The following HS3ST4 variants were observed in gnomAD, a reference collection of about 807,000 sequenced individuals.
HS3ST4 encodes the protein heparan sulfate glucosamine 3-O-sulfotransferase 4.
Under a neutral mutation model 29.2 loss-of-function variants are expected in HS3ST4, and 17 were observed. The ratio of observed to expected loss-of-function variants is 0.58; its 90% CI spans 0.40 to 0.87. The LOEUF is 0.87. Among genes scored for constraint, HS3ST4 ranks in the 40% least tolerant of loss-of-function variants. The probability of loss-of-function intolerance (pLI) is 0.00; values close to 1 mark genes in which losing one functional copy is unlikely to be tolerated. For synonymous variants in HS3ST4, 314 were observed against 285.7 expected, an observed-to-expected ratio of 1.10 and a Z score of -1.00; for missense variants, 627 against 634.5, an observed-to-expected ratio of 0.99 and a Z score of 0.13.
rs187607785 is a variant in HS3ST4, at chr16:25,925,294, A to G, written c.735-210318A>G. On this transcript the variant is annotated intron_variant, in intron 1 of 1. Coordinates refer to ENST00000331351, the MANE Select transcript of HS3ST4 (RefSeq NM_006040.3). ...CATCATCAGCCAGCAACATTAGGTC[A>G]CAGACTCTAACCCTGTCTGTTAAAG... Among the ~76,000 whole-genome samples, 191 of 151,984 alleles carry G rather than the reference A, an allele frequency of 1.3e-3. No homozygotes were observed. In the Middle Eastern group the frequency reaches 0.014, roughly 11 times the overall value.
At chr16:26,097,637 C>T (rs1464384103) in intron 1 of HS3ST4, among the ~76,000 whole-genome samples, 2 of 152,080 alleles carry the variant, frequency 1.3e-5, no homozygotes, top group Admixed American at 6.5e-5. Flanking sequence ...ACCCTAGAAG[C>T]AAGCCTAGGC....
At chr16:25,705,644 T>C (rs1050918948) in intron 1 of HS3ST4, among the ~76,000 whole-genome samples, 1 of 151,880 alleles carries the variant, frequency 6.6e-6, no homozygotes, top group African/African-American at 2.4e-5. Context: ...AGCCTGGTGA[T>C]GAAGCCAGTT....
chr16:25,694,840 C>A (rs539132319), intron 1 of HS3ST4, among the ~76,000 whole-genome samples: 2 of 151,580 alleles, frequency 1.3e-5, no homozygotes, highest in East Asian at 3.9e-4. Flanking sequence ...GCAGAAAGAT[C>A]AAATCTTTCC....
chr16:25,786,993 C>G (rs1966858659), intron 1 of HS3ST4, among the ~76,000 whole-genome samples: 1 of 152,166 alleles, frequency 6.6e-6, no homozygotes, highest in Non-Finnish European at 1.5e-5. Context: ...ATTCTCTTCT[C>G]CATACTTGCT....
chr16:25,731,008 C>A (rs1405272147), intron 1 of HS3ST4, among the ~76,000 whole-genome samples: 1 of 152,172 alleles, frequency 6.6e-6, no homozygotes, highest in African/African-American at 2.4e-5. Context: ...CAGACATGAG[C>A]TTCCAGGTGC....
chr16:25,961,603 G>A (rs147743652), intron 1 of HS3ST4, among the ~76,000 whole-genome samples: 2,097 of 152,268 alleles, frequency 0.014, 58 homozygotes, highest in Admixed American at 0.011. Flanking sequence ...TACAGAGTGG[G>A]TTCCTTACTT....
chr16:26,044,700 C>G (rs550684724), intron 1 of HS3ST4, among the ~76,000 whole-genome samples: 2 of 151,398 alleles, frequency 1.3e-5, no homozygotes, highest in African/African-American at 4.9e-5. Context: ...TTCCAGGAGT[C>G]TAGTCCACTG....
chr16:26,051,702 T>C (rs1898347773), intron 1 of HS3ST4, among the ~76,000 whole-genome samples: 1 of 150,190 alleles, frequency 6.7e-6, no homozygotes, highest in Non-Finnish European at 1.5e-5. Flanking sequence ...CCCTCTCTTT[T>C]GGTCTTTCTC....
At chr16:25,703,321 C>T (rs1199302547) in intron 1 of HS3ST4, among the ~76,000 whole-genome samples, 3 of 151,926 alleles carry the variant, frequency 2.0e-5, no homozygotes, top group Non-Finnish European at 2.9e-5. Flanking sequence ...TAACAGTCGC[C>T]GTGGGAGTGG....
intron 1 of HS3ST4, among the ~76,000 whole-genome samples, chr16:26,075,323 C>G (rs186793203): frequency 6.6e-6 from 1 of 152,280 alleles, no homozygotes; most frequent in African/African-American, 2.4e-5. Context: ...TCATATCTCC[C>G]ATAGTACTCA....
chr16:25,876,011 A>G (rs1373480282), intron 1 of HS3ST4, among the ~76,000 whole-genome samples: 1 of 152,182 alleles, frequency 6.6e-6, no homozygotes, highest in Non-Finnish European at 1.5e-5. Context: ...ACATAGACTC[A>G]GAAAACCAAG....
chr16:26,072,271 T>G (rs1596671153), intron 1 of HS3ST4, among the ~76,000 whole-genome samples: 1 of 152,180 alleles, frequency 6.6e-6, no homozygotes, highest in East Asian at 1.9e-4. Flanking sequence ...CTCCGTAGGA[T>G]TCTAGATGAG....
intron 1 of HS3ST4, among the ~76,000 whole-genome samples, chr16:25,745,833 T>C (rs1966681919): frequency 6.6e-6 from 1 of 152,240 alleles, no homozygotes; most frequent in Non-Finnish European, 1.5e-5. Flanking sequence ...AAAAATAAGC[T>C]CTGACTTATC....
At chr16:26,030,053 A>C (rs1053456104) in intron 1 of HS3ST4, among the ~76,000 whole-genome samples, 2 of 152,218 alleles carry the variant, frequency 1.3e-5, no homozygotes, top group African/African-American at 4.8e-5. Flanking sequence ...GCATGGCAGC[A>C]TGGGTCTAGG....
chr16:26,102,296 G>A (rs1164840772), intron 1 of HS3ST4, among the ~76,000 whole-genome samples: 1 of 151,316 alleles, frequency 6.6e-6, no homozygotes, highest in Non-Finnish European at 1.5e-5. Flanking sequence ...CAAGGTATTT[G>A]GCAACATTTT....
At chr16:26,007,019 A>T (rs764336672) in intron 1 of HS3ST4, among the ~76,000 whole-genome samples, 1 of 152,230 alleles carries the variant, frequency 6.6e-6, no homozygotes, top group Non-Finnish European at 1.5e-5. Flanking sequence ...TTTCACTGTC[A>T]TCATTTTCTC....
chr16:25,897,656 A>AG (rs1299518405), intron 1 of HS3ST4, among the ~76,000 whole-genome samples: 9 of 151,888 alleles, frequency 5.9e-5, no homozygotes, highest in African/African-American at 1.2e-4. Flanking sequence ...GTGTGGTGGT[A>AG]GGGGGGCAGT....
In HS3ST4 at chr16:25,956,737, G is replaced by A. The variant is rs984438804; in HGVS notation, c.735-178875G>A. On this transcript the variant is annotated intron_variant, in intron 1 of 1. Coordinates refer to ENST00000331351, the MANE Select transcript of HS3ST4 (RefSeq NM_006040.3). Reference sequence around the variant, plus strand: ...GTTTTGGCTGGGCGTGGTGGCTCATGCCTGTAATCCCAGCACTTTGGGAGG... The same window carrying A: ...GTTTTGGCTGGGCGTGGTGGCTCATACCTGTAATCCCAGCACTTTGGGAGG... 3.9e-5 allele frequency among the ~76,000 whole-genome samples: 6 copies of A among 151,910 alleles called. No homozygotes were observed. The South Asian group carries it at 6.2e-4, about 16-fold the overall frequency.
At chr16:25,848,427 G>A (rs913889036) in intron 1 of HS3ST4, among the ~76,000 whole-genome samples, 2 of 151,482 alleles carry the variant, frequency 1.3e-5, no homozygotes, top group Non-Finnish European at 2.9e-5. Context: ...GGAGTGAACC[G>A]CTGTGCCCAG....
Sources: allele counts gnomAD v4.1 joint callset (sites outside exome capture counted in the v4.1 genomes callset), GRCh38; gene constraint gnomAD v4.1.1; transcripts MANE v1.5; gene names NCBI Gene and HGNC (gene_info 2026-07-23, HGNC 2026-07-21).